The following SCN9A variants were observed in gnomAD, a reference collection of about 807,000 sequenced individuals.
SCN9A encodes the protein sodium channel protein type 9 subunit alpha.
A neutral mutation model predicts 187.0 loss-of-function variants in SCN9A; 131 were observed. The ratio of observed to expected loss-of-function variants is 0.70; its 90% CI spans 0.61 to 0.81. SCN9A has a LOEUF of 0.81. SCN9A is among the 30% of genes least tolerant of loss of function. SCN9A has a pLI of 0.00. For synonymous variants in SCN9A, 809 were observed against 808.6 expected, an observed-to-expected ratio of 1.00 and a Z score of -0.01; for missense variants, 2,252 against 2,396.6, an observed-to-expected ratio of 0.94 and a Z score of 1.26.
intron 24 of SCN9A, among the ~76,000 whole-genome samples, chr2:166,213,781 T>C (rs1250675150): frequency 2.6e-5 from 4 of 152,130 alleles, no homozygotes; most frequent in Non-Finnish European, 5.9e-5. Context: ...CTCATGGACG[T>C]ACCAAGTAAA....
At chr2:166,288,378 T>C in intron 10 of SCN9A, 59 bp downstream of exon 10, 1 of 1,375,172 alleles carries the variant, frequency 7.3e-7, no homozygotes, top group Non-Finnish European at 1.0e-6. Context: ...CCGCAGAGCC[T>C]CTGTTGTAAC....
Position 166,311,595 on chromosome 2 carries a change from T to C in SCN9A, c.162A>G (p.Glu54=). The change falls in exon 2 of 27, where the codon GAA becomes GAG. Residue 54 remains glutamate (E), a synonymous_variant. Transcript: ENST00000642356. The stretch of plus-strand genomic sequence containing the variant: ...AGATGAAGGGCAGCTGTTTGCCAGC[T>C]TCCAAGTCACTGCTTGGCTTTGGGG... The part of the protein sequence containing the change: ...EEAPKPSSDL[E]AGKQLPFIYG... The C allele has an allele frequency of 6.2e-7, 1 of 1,613,330 alleles. No individual in the cohort carries two copies. The highest frequency in any genetic ancestry group is 8.5e-7 in the Non-Finnish European group (1 of 1,179,748).
In SCN9A at chr2:166,313,231, A is replaced by AT. The variant is rs1378428342; in HGVS notation, c.-50-1426_-50-1425insA. On this transcript the variant is annotated intron_variant, in intron 1 of 26. Transcript: ENST00000642356. ...GATAAATTAGCATTTGCTTCAATTT[A>AT]AAGTCACCAGCTGCATTATCCCCTA... 2.6e-5 allele frequency among the ~76,000 whole-genome samples: 4 copies of AT among 152,074 alleles called. No individual in the cohort carries two copies. The East Asian group carries it at 7.7e-4, about 29-fold the overall frequency.
intron 24 of SCN9A, among the ~76,000 whole-genome samples, chr2:166,225,708 C>A (rs1356230272): frequency 6.6e-6 from 1 of 152,098 alleles, no homozygotes; most frequent in Non-Finnish European, 1.5e-5. Context: ...TGAAGTCATA[C>A]TGGAGTGGAG....
chr2:166,210,792 C>T (rs1574720940), intron 24 of SCN9A, among the ~76,000 whole-genome samples: 1 of 152,226 alleles, frequency 6.6e-6, no homozygotes, highest in South Asian at 2.1e-4. Flanking sequence ...GGCATGGTGG[C>T]TCACACCTGT....
At chr2:166,278,760 T>C (rs1697348623) in intron 14 of SCN9A, among the ~76,000 whole-genome samples, 1 of 152,158 alleles carries the variant, frequency 6.6e-6, no homozygotes, top group Admixed American at 6.5e-5. Context: ...GTTGACTCAC[T>C]CTTTAAAGAT....
chr2:166,309,437 T>C (rs1698869435), intron 2 of SCN9A, among the ~76,000 whole-genome samples: 1 of 152,164 alleles, frequency 6.6e-6, no homozygotes, highest in Admixed American at 6.6e-5. Context: ...AAAAATGTTA[T>C]GCTAAACAAT....
intron 9 of SCN9A, among the ~76,000 whole-genome samples, chr2:166,290,845 A>G (rs561637317): frequency 2.0e-5 from 3 of 152,344 alleles, no homozygotes; most frequent in South Asian, 4.1e-4. Context: ...GATTATCTCA[A>G]TAGATGCAGA....
chr2:166,232,735 G>GTA (rs753868931), intron 21 of SCN9A, among the ~76,000 whole-genome samples: 151 of 139,146 alleles, frequency 1.1e-3, no homozygotes, highest in African/African-American at 2.9e-3. Context: ...TACTGTGTGT[G>GTA]TATATATATA....
At chr2:166,284,862 CCTA>C in intron 11 of SCN9A, 38 bp from the exon 12 acceptor site, 1 of 1,534,420 alleles carries the variant, frequency 6.5e-7, no homozygotes, top group Non-Finnish European at 8.7e-7. Flanking sequence ...TGCTGAAGCA[CCTA>C]CTGATAGAAG....
intron 26 of SCN9A, among the ~76,000 whole-genome samples, chr2:166,201,429 T>G (rs1239730623): frequency 1.6e-5 from 2 of 126,350 alleles, no homozygotes; most frequent in South Asian, 2.4e-4. Flanking sequence ...ATGCATATAC[T>G]ATATATAGTA....
intron 1 of SCN9A, among the ~76,000 whole-genome samples, chr2:166,327,612 T>G (rs918670124): frequency 2.6e-5 from 4 of 152,200 alleles, no homozygotes; most frequent in African/African-American, 9.6e-5. Context: ...ATTAACCAAA[T>G]CTATACACTT....
At chr2:166,262,771 G>T (rs369362010) in intron 17 of SCN9A, among the ~76,000 whole-genome samples, 1 of 151,970 alleles carries the variant, frequency 6.6e-6, no homozygotes, top group African/African-American at 2.4e-5. Context: ...TCCTAAGGAG[G>T]TCACAAAGAC....
intron 24 of SCN9A, among the ~76,000 whole-genome samples, chr2:166,216,045 A>G (rs1002239935): frequency 6.6e-6 from 1 of 152,122 alleles, no homozygotes; most frequent in Non-Finnish European, 1.5e-5. Context: ...CACCATGATT[A>G]CTTGGGATTT....
intron 1 of SCN9A, among the ~76,000 whole-genome samples, chr2:166,333,839 A>G (rs1699567382): frequency 6.6e-6 from 1 of 152,052 alleles, no homozygotes; most frequent in African/African-American, 2.4e-5. Flanking sequence ...TGTAAAAATA[A>G]TTATCCACTT....
intron 1 of SCN9A, among the ~76,000 whole-genome samples, chr2:166,321,271 A>G (rs1699231016): frequency 6.6e-6 from 1 of 152,134 alleles, no homozygotes; most frequent in Non-Finnish European, 1.5e-5. Flanking sequence ...TGTAATTCCA[A>G]CATTTTCGGA....
At chr2:166,251,605 G>A (rs1455230453) in intron 18 of SCN9A, among the ~76,000 whole-genome samples, 160 bp downstream of exon 18, 1 of 152,042 alleles carries the variant, frequency 6.6e-6, no homozygotes. Flanking sequence ...AGCTTAGAGA[G>A]CTCTAGTGAC....
chr2:166,279,717 T>C (rs903435538), intron 14 of SCN9A, among the ~76,000 whole-genome samples: 2 of 152,162 alleles, frequency 1.3e-5, no homozygotes, highest in Non-Finnish European at 2.9e-5. Context: ...CTTTAATTTA[T>C]TGTGTATTTA....
At chr2:166,358,131 GCGATCT>G (rs1179273850) in intron 1 of SCN9A, among the ~76,000 whole-genome samples, 1 of 151,398 alleles carries the variant, frequency 6.6e-6, no homozygotes, top group Non-Finnish European at 1.5e-5. Flanking sequence ...GTGCCTTGGT[GCGATCT>G]CAGCTCACTG....
Sources: allele counts gnomAD v4.1 joint callset (sites outside exome capture counted in the v4.1 genomes callset), GRCh38; gene constraint gnomAD v4.1.1; transcripts MANE v1.5; gene names NCBI Gene and HGNC (gene_info 2026-07-23, HGNC 2026-07-21).